Variants in USP25 observed in about 807,000 individuals in gnomAD.
The protein encoded by USP25 is ubiquitin carboxyl-terminal hydrolase 25.
A neutral mutation model predicts 158.5 loss-of-function variants in USP25; 85 were observed. The observed-to-expected ratio is 0.54, with a 90% CI of 0.45 to 0.64. The LOEUF is 0.64. Among genes scored for constraint, USP25 ranks in the 30% least tolerant of loss-of-function variants. The pLI is 0.00. For synonymous variants in USP25, 464 were observed against 460.4 expected (o/e 1.01, Z -0.10); for missense variants, 1,242 against 1,327.3 (o/e 0.94, Z 1.00).
At chr21:15,781,540 A>G (rs1459702844) in intron 4 of USP25, among the ~76,000 whole-genome samples, 3 of 152,128 alleles carry the variant, frequency 2.0e-5, no homozygotes, top group Admixed American at 6.5e-5. Context: ...AACCAAAACA[A>G]CGAATAAGTT....
intron 19 of USP25, among the ~76,000 whole-genome samples, chr21:15,848,939 T>C (rs1256686844): frequency 1.3e-5 from 2 of 152,176 alleles, no homozygotes; most frequent in African/African-American, 4.8e-5. Flanking sequence ...TAATTTCACT[T>C]TGCAGATATT....
At position 15,735,964 on chromosome 21, in the gene USP25, C is replaced by CTGTGTGTGTG. The variant is rs530159084; in HGVS notation, c.45+5534_45+5543dup. 2.9e-3 allele frequency among the ~76,000 whole-genome samples: 423 copies of CTGTGTGTGTG among 145,106 alleles called. 1 individual carries two copies. Among genetic ancestry groups the CTGTGTGTGTG allele is most frequent in the African/African-American group, 9.0e-3 (342 of 37,966 alleles). On this transcript the variant is annotated intron_variant, in intron 1 of 25. Transcript: ENST00000400183. ...ATTGGTCTAAAGTTTTGTCCTAAAT[C>CTGTGTGTGTG]TGTGTGTGTGTGTGTGTATGTGTGT...
Position 15,833,506 on chromosome 21 carries a change from G to A in USP25, c.2152G>A (p.Ala718Thr), listed in dbSNP as rs1410633652. Residue 718 changes from alanine (A) to threonine (T), a missense_variant, in exon 17 of 26, where the codon GCG (alanine) becomes ACG (threonine). Transcript: ENST00000400183. The part of the protein sequence containing the change: ...AQKALQEKLL[A>T]SQKLRESETS... ...GAAAGCTTTGCAGGAAAAGCTTTTAGCGTCTCAGAAATTGAGAGAGTCAGA... is the reference window on the plus strand; with the variant it reads ...GAAAGCTTTGCAGGAAAAGCTTTTAACGTCTCAGAAATTGAGAGAGTCAGA... The A allele has an allele frequency of 3.7e-6, 6 of 1,613,954 alleles. No individual in the cohort carries two copies. Among genetic ancestry groups the A allele is most frequent in the Non-Finnish European group, 5.1e-6 (6 of 1,179,978 alleles).
At chr21:15,765,835 T>G (rs2034008172) in intron 2 of USP25, among the ~76,000 whole-genome samples, 162 bp from the exon 3 acceptor site, 1 of 152,112 alleles carries the variant, frequency 6.6e-6, no homozygotes, top group African/African-American at 2.4e-5. Flanking sequence ...TATAGTATAC[T>G]TTATGTATGA....
In USP25 at chr21:15,824,985, G is replaced by A. The variant is rs2037429580; in HGVS notation, c.1228G>A (p.Glu410Lys). ...TGATAGATACATGCACAGAAACAGA[G>A]AAATAACAAGAATTAAGAGGGAAGA... ...YLDRYMHRNR[E>K]ITRIKREEIK... The change falls in exon 12 of 26, where the codon GAA becomes AAA. Residue 410 changes from glutamate (E) to lysine (K), a missense_variant. Around this residue, in one of 3 missense-constraint regions of USP25, gnomAD observed 627 missense variants for 701.4 expected, o/e 0.89. Coordinates refer to ENST00000400183, the MANE Select transcript of USP25 (RefSeq NM_001283041.3). 2 of 1,611,040 alleles carry A rather than the reference G, an allele frequency of 1.2e-6. No homozygotes were observed. The highest frequency in any genetic ancestry group is 1.7e-6 in the Non-Finnish European group (2 of 1,178,466).
At position 15,799,923 on chromosome 21, in the gene USP25, T is replaced by C. The variant is rs1399146690; in HGVS notation, c.642+80T>C. On this transcript the variant is annotated intron_variant, in intron 6 of 25. Coordinates refer to ENST00000400183, the MANE Select transcript of USP25 (RefSeq NM_001283041.3). The stretch of plus-strand genomic sequence containing the variant: ...ATGTGATTGATTTTTGGGCATTTAC[T>C]TGGCTCATCAAATCTGAAACTGTCA... 4.6e-6 allele frequency: 4 copies of C among 870,512 alleles called. No homozygotes were observed. The African/African-American group carries it at 7.0e-5, about 15-fold the overall frequency. The allele number at this position is 870,512 out of a possible 1,614,324, so 53.9% of individuals were successfully genotyped here.
chr21:15,804,745 T>C (rs982039723), intron 6 of USP25, among the ~76,000 whole-genome samples: 1 of 152,232 alleles, frequency 6.6e-6, no homozygotes, highest in Non-Finnish European at 1.5e-5. Context: ...TAGTGAACAC[T>C]CATTGAATGT....
chr21:15,744,468 G>A (rs1415798815), intron 1 of USP25, among the ~76,000 whole-genome samples: 1 of 151,964 alleles, frequency 6.6e-6, no homozygotes, highest in Non-Finnish European at 1.5e-5. Context: ...TGGGACTACA[G>A]GTACACGCCA....
At chr21:15,748,317 T>C (rs2032721676) in intron 1 of USP25, among the ~76,000 whole-genome samples, 1 of 152,156 alleles carries the variant, frequency 6.6e-6, no homozygotes, top group African/African-American at 2.4e-5. Context: ...AGTCTTGCTC[T>C]CTTGCCCAGG....
intron 1 of USP25, among the ~76,000 whole-genome samples, chr21:15,757,890 A>C (rs2033484698): frequency 6.6e-6 from 1 of 152,086 alleles, no homozygotes; most frequent in South Asian, 2.1e-4. Flanking sequence ...CTTTTCTGGG[A>C]TTTATATTCG....
intron 18 of USP25, among the ~76,000 whole-genome samples, chr21:15,844,239 G>A (rs1356954654): frequency 6.6e-6 from 1 of 152,036 alleles, no homozygotes; most frequent in African/African-American, 2.4e-5. Context: ...ACTTCATAGC[G>A]GTTTTTTTCA....
At chr21:15,844,006 C>T (rs955025285) in intron 18 of USP25, among the ~76,000 whole-genome samples, 1 of 152,034 alleles carries the variant, frequency 6.6e-6, no homozygotes, top group Non-Finnish European at 1.5e-5. Context: ...ATATGGATAT[C>T]GTCTTATAAG....
chr21:15,731,021 AAG>A (rs2030824955), intron 1 of USP25, among the ~76,000 whole-genome samples: 2 of 126,582 alleles, frequency 1.6e-5, no homozygotes, highest in Non-Finnish European at 3.2e-5. Context: ...AACTGTCCCT[AAG>A]AGAGGAAACC....
chr21:15,835,251 T>C (rs1601076749), intron 17 of USP25, among the ~76,000 whole-genome samples: 1 of 152,220 alleles, frequency 6.6e-6, no homozygotes, highest in African/African-American at 2.4e-5. Flanking sequence ...GGCTCACCTA[T>C]ATTTTGTGAT....
intron 20 of USP25, among the ~76,000 whole-genome samples, chr21:15,853,897 T>A (rs1191595472): frequency 1.3e-5 from 2 of 152,168 alleles, no homozygotes; most frequent in Admixed American, 1.3e-4. Flanking sequence ...GCGGGGTAGA[T>A]CTTTTAACAC....
intron 24 of USP25, 145 bp downstream of exon 24, chr21:15,874,671 A>G: frequency 3.0e-6 from 2 of 661,940 alleles, no homozygotes; most frequent in Non-Finnish European, 2.3e-6. Context: ...GTCCCTTCAG[A>G]TGGAAAAGTA....
intron 4 of USP25, among the ~76,000 whole-genome samples, chr21:15,779,892 G>T (rs962464110): frequency 1.3e-5 from 2 of 151,938 alleles, no homozygotes; most frequent in Non-Finnish European, 2.9e-5. Context: ...TCAATAACCC[G>T]CAATGAGCAA....
At chr21:15,767,102 G>A (rs1270537115) in intron 3 of USP25, among the ~76,000 whole-genome samples, 1 of 152,020 alleles carries the variant, frequency 6.6e-6, no homozygotes, top group Non-Finnish European at 1.5e-5. Context: ...ATATAAGATA[G>A]ACCTGTTTAC....
At chr21:15,785,828 T>C (rs1018460544) in intron 4 of USP25, among the ~76,000 whole-genome samples, 1 of 149,844 alleles carries the variant, frequency 6.7e-6, no homozygotes. Flanking sequence ...AGTAAACAAA[T>C]AGAGACTAAA....
Sources: gnomAD v4.1 joint callset for allele counts (sites outside exome capture counted in the v4.1 genomes callset) on GRCh38, gnomAD v4.1.1 for gene constraint, gnomAD v4.1.1 regional missense constraint, MANE v1.5 for transcripts, NCBI Gene and HGNC (gene_info 2026-07-23, HGNC 2026-07-21) for gene names.